The following SLC25A21 variants were observed in gnomAD, a reference collection of about 807,000 sequenced individuals.
SLC25A21 encodes the protein solute carrier family 25 member 21.
SLC25A21 carries 47 observed loss-of-function variants against 43.8 expected under a neutral mutation model. That is an observed-to-expected ratio of 1.07 (90% CI 0.85 to 1.37). The LOEUF is 1.37. Ranked by LOEUF, SLC25A21 falls within the 40% of genes most tolerant of loss-of-function variation. The pLI, the probability that SLC25A21 is intolerant of heterozygous loss-of-function variation, is 0.00. For synonymous variants in SLC25A21, 131 were observed against 121.3 expected (o/e 1.08, Z -0.52); for missense variants, 352 against 350.2 (o/e 1.00, Z -0.04).
At chr14:36,832,240 C>A (rs921175597) in intron 2 of SLC25A21, among the ~76,000 whole-genome samples, 2 of 151,966 alleles carry the variant, frequency 1.3e-5, no homozygotes, top group Non-Finnish European at 2.9e-5. Flanking sequence ...CCAAATCAAC[C>A]TAATGATTCT....
chr14:37,005,785 G>A (rs1029654199), intron 1 of SLC25A21, among the ~76,000 whole-genome samples: 1 of 152,114 alleles, frequency 6.6e-6, no homozygotes, highest in Non-Finnish European at 1.5e-5. Context: ...ACACAAAATG[G>A]AAAGAACTAT....
chr14:36,844,505 C>T (rs908471547), intron 2 of SLC25A21, among the ~76,000 whole-genome samples: 1 of 152,164 alleles, frequency 6.6e-6, no homozygotes, highest in Admixed American at 6.5e-5. Context: ...GAAAAAAAGA[C>T]AAATCTGAAA....
intron 2 of SLC25A21, among the ~76,000 whole-genome samples, chr14:36,814,348 T>C (rs923025673): frequency 2.1e-5 from 3 of 142,888 alleles, no homozygotes; most frequent in African/African-American, 7.8e-5. Flanking sequence ...TGAAGATGCA[T>C]ATGAAAAAAG....
At chr14:36,749,100 C>A (rs1885607237) in intron 3 of SLC25A21, among the ~76,000 whole-genome samples, 1 of 152,152 alleles carries the variant, frequency 6.6e-6, no homozygotes, top group Non-Finnish European at 1.5e-5. Context: ...CAAACTATAA[C>A]CAATCTGGCT....
At chr14:36,926,209 G>T (rs1470830811) in intron 1 of SLC25A21, among the ~76,000 whole-genome samples, 1 of 152,106 alleles carries the variant, frequency 6.6e-6, no homozygotes, top group African/African-American at 2.4e-5. Flanking sequence ...AGACAAAAAT[G>T]ATCTGGAAAA....
intron 7 of SLC25A21, among the ~76,000 whole-genome samples, chr14:36,685,933 C>T (rs566911175): frequency 3.3e-5 from 5 of 152,070 alleles, no homozygotes; most frequent in African/African-American, 9.7e-5. Context: ...CTGCTGACTC[C>T]GACCCCCCAC....
intron 1 of SLC25A21, among the ~76,000 whole-genome samples, chr14:36,972,058 G>A (rs375233766): frequency 5.9e-5 from 9 of 152,128 alleles, no homozygotes; most frequent in East Asian, 5.8e-4. Context: ...TAATGGTCCC[G>A]TAAGATTATA....
chr14:36,986,316 T>C (rs1010186814), intron 1 of SLC25A21, among the ~76,000 whole-genome samples: 6 of 152,196 alleles, frequency 3.9e-5, no homozygotes, highest in East Asian at 1.9e-4. Flanking sequence ...GTAACCTCCA[T>C]GTTCCAAAGT....
chr14:37,162,534 G>A (rs1317417703), intron 1 of SLC25A21, among the ~76,000 whole-genome samples: 9 of 152,040 alleles, frequency 5.9e-5, no homozygotes, highest in Admixed American at 1.3e-4. Context: ...AAAAACACAC[G>A]AAAAAATGCT....
intron 1 of SLC25A21, among the ~76,000 whole-genome samples, chr14:36,977,041 T>C (rs926456226): frequency 1.3e-5 from 2 of 152,246 alleles, no homozygotes; most frequent in African/African-American, 2.4e-5. Context: ...TCTGTGGACA[T>C]GCAGAACAAA....
intron 1 of SLC25A21, among the ~76,000 whole-genome samples, chr14:37,161,196 T>C (rs1963935087): frequency 6.6e-6 from 1 of 151,814 alleles, no homozygotes; most frequent in African/African-American, 2.4e-5. Context: ...AGTGACCAGA[T>C]AAAAAGAAGA....
intron 3 of SLC25A21, among the ~76,000 whole-genome samples, chr14:36,739,409 A>G (rs975086080): frequency 3.1e-4 from 47 of 151,864 alleles, no homozygotes; most frequent in African/African-American, 1.1e-3. Context: ...TAGGCACAGT[A>G]GCTCACACCT....
chr14:36,808,312 A>C (rs1888115848), intron 3 of SLC25A21, among the ~76,000 whole-genome samples: 1 of 152,190 alleles, frequency 6.6e-6, no homozygotes, highest in Non-Finnish European at 1.5e-5. Flanking sequence ...CTTATCAGAA[A>C]TACAGAGCTA....
At chr14:36,749,547 C>T (rs571678605) in intron 3 of SLC25A21, among the ~76,000 whole-genome samples, 1 of 152,272 alleles carries the variant, frequency 6.6e-6, no homozygotes, top group East Asian at 1.9e-4. Context: ...GCCTTCCTAT[C>T]TCCCTCAGAG....
intron 2 of SLC25A21, among the ~76,000 whole-genome samples, chr14:36,864,637 C>T (rs536283124): frequency 9.8e-5 from 15 of 152,324 alleles, no homozygotes; most frequent in African/African-American, 3.6e-4. Context: ...GATCCTGTAA[C>T]CATTCCACAC....
At chr14:36,705,439 T>C (rs1883494685) in intron 7 of SLC25A21, among the ~76,000 whole-genome samples, 1 of 152,130 alleles carries the variant, frequency 6.6e-6, no homozygotes, top group Non-Finnish European at 1.5e-5. Context: ...TTTTATGAGG[T>C]TCTGCTACAT....
chr14:37,028,594 C>A lies in SLC25A21; in HGVS notation c.70+143687G>T, dbSNP rs144095515. On this transcript the variant is annotated intron_variant, in intron 1 of 9. Transcript: ENST00000331299. ...AAAACAAGACTGTAAGTTTTGGTCA[C>A]CTTTTCTGGCTGTTAACCACCATTA... Among the ~76,000 whole-genome samples the A allele has an allele frequency of 2.0e-5, 3 of 152,234 alleles. No individual in the cohort carries two copies. The South Asian group carries it at 6.2e-4, about 32-fold the overall frequency.
intron 6 of SLC25A21, among the ~76,000 whole-genome samples, chr14:36,723,628 T>G (rs1002165954): frequency 3.3e-5 from 5 of 152,198 alleles, no homozygotes; most frequent in Admixed American, 3.3e-4. Context: ...TGCAGCACAT[T>G]CTTTTGTTGG....
At chr14:36,712,835 T>C (rs1045796972) in intron 6 of SLC25A21, among the ~76,000 whole-genome samples, 19 of 152,218 alleles carry the variant, frequency 1.2e-4, no homozygotes, top group African/African-American at 4.1e-4. Context: ...TTTGACAACA[T>C]GAGATTTTTT....
Sources: allele counts gnomAD v4.1 joint callset (sites outside exome capture counted in the v4.1 genomes callset), GRCh38; gene constraint gnomAD v4.1.1; transcripts MANE v1.5; gene names NCBI Gene and HGNC (gene_info 2026-07-23, HGNC 2026-07-21).